The following LUZP2 variants were observed in gnomAD, a reference collection of about 807,000 sequenced individuals.
LUZP2 encodes the protein leucine zipper protein 2.
LUZP2 carries 52 observed loss-of-function variants against 51.6 expected under a neutral mutation model. The ratio of observed to expected loss-of-function variants is 1.01; its 90% CI spans 0.81 to 1.27. The LOEUF (loss-of-function observed/expected upper bound fraction) is 1.27. LUZP2 is among the 50% of genes most tolerant of loss of function. The pLI is 0.00. For synonymous variants in LUZP2, 154 were observed against 137.3 expected (o/e 1.12, Z -0.85); for missense variants, 436 against 395.4 (o/e 1.10, Z -0.87).
chr11:24,922,089 T>A (rs1854081025), intron 7 of LUZP2, among the ~76,000 whole-genome samples: 2 of 152,162 alleles, frequency 1.3e-5, no homozygotes, highest in South Asian at 4.1e-4. Flanking sequence ...TGTTGGGGCA[T>A]CATGAATTAA....
intron 1 of LUZP2, among the ~76,000 whole-genome samples, chr11:24,722,821 G>A (rs1244563661): frequency 6.6e-6 from 1 of 151,854 alleles, no homozygotes; most frequent in Admixed American, 6.6e-5. Context: ...GGAGGCTGAG[G>A]CAGGAGAATT....
At chr11:24,860,260 AC>A (rs1176161827) in intron 5 of LUZP2, among the ~76,000 whole-genome samples, 2 of 151,970 alleles carry the variant, frequency 1.3e-5, no homozygotes, top group Non-Finnish European at 2.9e-5. Context: ...AACTCGAGTA[AC>A]CCCAGGCAGA....
At chr11:24,874,520 G>A (rs558856443) in intron 5 of LUZP2, among the ~76,000 whole-genome samples, 3 of 152,226 alleles carry the variant, frequency 2.0e-5, no homozygotes, top group South Asian at 4.2e-4. Context: ...CAATCCCACT[G>A]TGCCATGCTG....
At chr11:24,752,862 A>C (rs1221812463) in intron 4 of LUZP2, among the ~76,000 whole-genome samples, 1 of 152,162 alleles carries the variant, frequency 6.6e-6, no homozygotes, top group Admixed American at 6.5e-5. Flanking sequence ...TTAATTTTTA[A>C]AATGAGACAG....
At chr11:24,897,732 G>A (rs1258444963) in intron 5 of LUZP2, among the ~76,000 whole-genome samples, 2 of 152,148 alleles carry the variant, frequency 1.3e-5, no homozygotes, top group Non-Finnish European at 2.9e-5. Context: ...ACCAATTTCG[G>A]ACACAATATG....
intron 1 of LUZP2, among the ~76,000 whole-genome samples, chr11:24,500,132 GC>G (rs34498066): frequency 0.034 from 5,198 of 152,080 alleles, 209 homozygotes; most frequent in African/African-American, 0.092. Context: ...AACATCAATG[GC>G]CCCCAATCAG....
chr11:25,077,083 T>C (rs1040042832), intron 10 of LUZP2, among the ~76,000 whole-genome samples: 5 of 152,198 alleles, frequency 3.3e-5, no homozygotes, highest in African/African-American at 1.2e-4. Flanking sequence ...ATTGGAATTG[T>C]ACTTCTTTGT....
In LUZP2 at chr11:24,842,068, T is replaced by C. The variant is rs1851049524; in HGVS notation, c.397-63923T>C. On this transcript the variant is annotated intron_variant, in intron 5 of 11. Transcript: ENST00000336930. ...GAAATATATAAATATGCAAAGATAT[T>C]GAAAGTAAAAATATAAAAAAATAGA... Among the ~76,000 whole-genome samples, 5 of 151,614 alleles carry C rather than the reference T, an allele frequency of 3.3e-5. No homozygotes were observed. The South Asian group carries it at 1.0e-3, about 31-fold the overall frequency.
At chr11:24,713,127 C>T (rs188617824) in intron 1 of LUZP2, among the ~76,000 whole-genome samples, 6 of 152,172 alleles carry the variant, frequency 3.9e-5, no homozygotes, top group Admixed American at 2.6e-4. Context: ...GCAAATATCC[C>T]GGTGGTCACA....
At chr11:24,543,879 C>A in intron 1 of LUZP2, among the ~76,000 whole-genome samples, 1 of 143,076 alleles carries the variant, frequency 7.0e-6, no homozygotes, top group East Asian at 2.1e-4. Context: ...TTCCGGGTAG[C>A]TATATTTAGG....
intron 10 of LUZP2, among the ~76,000 whole-genome samples, chr11:25,062,774 T>C (rs1271384591): frequency 6.6e-6 from 1 of 151,318 alleles, no homozygotes; most frequent in Non-Finnish European, 1.5e-5. Flanking sequence ...ATTAGTGCAA[T>C]ATTATCTATA....
intron 5 of LUZP2, among the ~76,000 whole-genome samples, chr11:24,793,915 G>T (rs1034477218): frequency 1.4e-5 from 2 of 145,754 alleles, no homozygotes; most frequent in African/African-American, 5.0e-5. Flanking sequence ...TTTATATTCT[G>T]ACTAACCAAT....
chr11:24,743,293 T>C (rs1244842148), intron 4 of LUZP2, among the ~76,000 whole-genome samples: 3 of 152,178 alleles, frequency 2.0e-5, no homozygotes, highest in Non-Finnish European at 4.4e-5. Flanking sequence ...ATGGCCGTTT[T>C]CACAATATTG....
intron 9 of LUZP2, among the ~76,000 whole-genome samples, chr11:24,984,108 A>T (rs1400559359): frequency 6.6e-6 from 1 of 151,670 alleles, no homozygotes; most frequent in Non-Finnish European, 1.5e-5. Flanking sequence ...TAGTTCTCTG[A>T]TCACTTGTCT....
chr11:24,681,532 G>A (rs974888625), intron 1 of LUZP2, among the ~76,000 whole-genome samples: 8 of 152,092 alleles, frequency 5.3e-5, no homozygotes, highest in Non-Finnish European at 8.8e-5. Context: ...TGGTAGGAAC[G>A]AAATAGATAT....
At chr11:25,069,324 G>C (rs1188419433) in intron 10 of LUZP2, among the ~76,000 whole-genome samples, 1 of 151,832 alleles carries the variant, frequency 6.6e-6, no homozygotes. Context: ...TGATCTTGTT[G>C]TCCTCATTTA....
chr11:24,762,679 C>A (rs1189322218), intron 4 of LUZP2, among the ~76,000 whole-genome samples: 1 of 152,072 alleles, frequency 6.6e-6, no homozygotes, highest in Non-Finnish European at 1.5e-5. Flanking sequence ...TTTTACAAAG[C>A]ACTCGGGCAG....
intron 5 of LUZP2, among the ~76,000 whole-genome samples, chr11:24,876,438 C>T (rs3926544): frequency 0.48 from 68,175 of 141,568 alleles, 16,996 homozygotes; most frequent in East Asian, 0.74. Context: ...GAGGGCTCTG[C>T]TCTGTTCCAT....
intron 5 of LUZP2, among the ~76,000 whole-genome samples, chr11:24,799,182 G>A (rs1161757973): frequency 6.6e-6 from 1 of 152,168 alleles, no homozygotes; most frequent in Non-Finnish European, 1.5e-5. Context: ...ATGTGCTGAT[G>A]AATAGACATG....
Sources: allele counts gnomAD v4.1 joint callset (sites outside exome capture counted in the v4.1 genomes callset), GRCh38; gene constraint gnomAD v4.1.1; transcripts MANE v1.5; gene names NCBI Gene and HGNC (gene_info 2026-07-23, HGNC 2026-07-21).